Variants in OTOF observed in about 807,000 individuals in gnomAD.
OTOF encodes the protein fer-1-like family member 2.
OTOF carries 218 observed loss-of-function variants against 236.8 expected under a neutral mutation model. The observed-to-expected ratio is 0.92, with a 90% confidence interval of 0.82 to 1.03. The LOEUF (loss-of-function observed/expected upper bound fraction) is 1.03, where lower values mean the gene tolerates loss of function less well. Among genes scored for constraint, OTOF ranks in the 50% least tolerant of loss-of-function variants. OTOF has a pLI of 0.00. For synonymous variants in OTOF, 1,041 were observed against 1,072.5 expected, an observed-to-expected ratio of 0.97 and a Z score of 0.57; for missense variants, 2,590 against 2,694.4, an observed-to-expected ratio of 0.96 and a Z score of 0.86.
At position 26,482,397 on chromosome 2, in the gene OTOF, G is replaced by A. The variant is rs770761461; in HGVS notation, c.1579+9C>T. The A allele has an allele frequency of 1.3e-5, 21 of 1,612,660 alleles. No individual in the cohort carries two copies. Among genetic ancestry groups the A allele is most frequent in the Middle Eastern group, 1.7e-4 (1 of 5,926 alleles). On this transcript the variant is annotated intron_variant, in intron 14 of 46. Transcript: ENST00000272371. ...TGCCCCCCAGCACACCGGGTCTCCC[G>A]CTGCTGACCTTTGTCTCCGTCATTA...
chr2:26,519,235 G>A, intron 3 of OTOF, 126 bp from the exon 4 acceptor site: 1 of 701,386 alleles, frequency 1.4e-6, no homozygotes, highest in South Asian at 1.6e-5. Flanking sequence ...TCTGGGCTGG[G>A]CTGGAGAAGG....
At chr2:26,535,112 T>A (rs1412137274) in intron 2 of OTOF, among the ~76,000 whole-genome samples, 3 of 152,174 alleles carry the variant, frequency 2.0e-5, no homozygotes, top group Admixed American at 6.5e-5. Context: ...TGCTGACCAT[T>A]GGTGGCCAGG....
chr2:26,517,662 G>T (rs1666568323), intron 4 of OTOF, among the ~76,000 whole-genome samples: 2 of 152,138 alleles, frequency 1.3e-5, no homozygotes, highest in African/African-American at 4.8e-5. Context: ...GTGGTCTCTG[G>T]CATTGGAAGT....
intron 38 of OTOF, 68 bp from the exon 39 acceptor site, chr2:26,465,097 C>A (rs890124105): frequency 7.4e-7 from 1 of 1,356,382 alleles, no homozygotes; most frequent in South Asian, 1.8e-5. Context: ...GACAGCTGGT[C>A]GTGGCCAGTT....
At chr2:26,484,356 A>T in intron 12 of OTOF, 118 bp downstream of exon 12, 1 of 1,073,926 alleles carries the variant, frequency 9.3e-7, no homozygotes, top group Non-Finnish European at 1.4e-6. Context: ...TGGGAGAGTG[A>T]GCGAGAGCAG....
chr2:26,542,882 G>T (rs116619620), intron 1 of OTOF, among the ~76,000 whole-genome samples: 3,047 of 152,322 alleles, frequency 0.02, 93 homozygotes, highest in African/African-American at 0.07. Context: ...GATTTTGCCA[G>T]GGCCCAGCCC....
chr2:26,527,898 C>T lies in OTOF; in HGVS notation c.161G>A (p.Ser54Asn). The stretch of plus-strand genomic sequence containing the variant: ...CAGCATCTCATTTCTGTCGATGCTG[C>T]TGGCCACCGGCCACCGAAATGTCTG... ...FDETFRWPVA[S>N]SIDRNEMLEI... The change falls in exon 3 of 47, where the codon AGC (serine) becomes AAC (asparagine). Residue 54 changes from serine to asparagine, a missense_variant. By Grantham distance (46) the Ser-to-Asn change is conservative. Transcript: ENST00000272371. 1 of 1,614,018 alleles carries T rather than the reference C, an allele frequency of 6.2e-7. No individual in the cohort carries two copies. The highest frequency in any genetic ancestry group is 8.5e-7 in the Non-Finnish European group (1 of 1,179,876).
intron 2 of OTOF, among the ~76,000 whole-genome samples, chr2:26,536,505 A>G (rs553367831): frequency 2.0e-5 from 3 of 152,104 alleles, no homozygotes; most frequent in Non-Finnish European, 4.4e-5. Flanking sequence ...GGCTGTGCCT[A>G]AGCCTGAGTG....
intron 9 of OTOF, among the ~76,000 whole-genome samples, chr2:26,494,687 G>C (rs546941537): frequency 6.6e-6 from 1 of 152,000 alleles, no homozygotes; most frequent in Non-Finnish European, 1.5e-5. Context: ...GCACTGCTGG[G>C]GTCTGCCCAG....
At chr2:26,546,795 T>C (rs920230710) in intron 1 of OTOF, among the ~76,000 whole-genome samples, 9 of 152,114 alleles carry the variant, frequency 5.9e-5, no homozygotes, top group Admixed American at 2.6e-4. Context: ...TGTTTTGTTT[T>C]TAGGGTGGAA....
rs1665950549 is a variant in OTOF, at chr2:26,495,139, G to A, written c.766-66C>T. 1.3e-5 allele frequency: 20 copies of A among 1,590,948 alleles called. No homozygotes were observed. In the South Asian group the frequency reaches 1.3e-4, roughly 11 times the overall value. On this transcript the variant is annotated intron_variant, in intron 8 of 46. Coordinates refer to ENST00000272371, the MANE Select transcript of OTOF (RefSeq NM_194248.3). ...GAGCCTAGGAGCCTGGTCCCGCAGG[G>A]GTCCAGGGGCTGGGGCAGCAGGGTC...
chr2:26,533,430 G>GTC lies in OTOF; in HGVS notation c.138+4284_138+4285dup, dbSNP rs1190511498. ...ACAAAGGCTGGGTCTCTGTGTCTCT[G>GTC]TCTCTCTCTCTCTGTTTCTGTCTTT... On this transcript the variant is annotated intron_variant, in intron 2 of 46. Transcript: ENST00000272371. Among the ~76,000 whole-genome samples, 14 of 151,840 alleles carry GTC rather than the reference G, an allele frequency of 9.2e-5. No individual in the cohort carries two copies. In the East Asian group the frequency reaches 1.9e-3, roughly 21 times the overall value.
chr2:26,473,500 T>G lies in OTOF; in HGVS notation c.3476A>C (p.Asp1159Ala). 1 of 1,612,984 alleles carries G rather than the reference T, an allele frequency of 6.2e-7. No individual in the cohort carries two copies. Reference protein sequence around the residue: ...NLAQVDRPRVDIECAGKGVQS... With the variant: ...NLAQVDRPRVAIECAGKGVQS... ...CACCCCCTTCCCTGCACACTCGATG[T>G]CCACCCGTGGCCGGTCCACCTGGGC... Residue 1159 changes from aspartate to alanine, a missense_variant, in exon 28 of 47, where the codon GAC (aspartate) becomes GCC (alanine). By Grantham distance (126) the Asp-to-Ala change is moderately radical (BLOSUM62 -2). This residue lies in a region of OTOF where 1,211 missense variants were observed against 1,352.8 expected (regional missense o/e 0.90). Coordinates refer to ENST00000272371, the MANE Select transcript of OTOF (RefSeq NM_194248.3). This position sits in a 1 kb window ranked among gnomAD's most constrained non-coding sequence, Gnocchi z 7.2.
intron 9 of OTOF, among the ~76,000 whole-genome samples, chr2:26,494,735 G>A (rs550971417): frequency 1.3e-5 from 2 of 152,090 alleles, no homozygotes; most frequent in Admixed American, 6.5e-5. Flanking sequence ...GACCAGTGTC[G>A]GCCTGTGCTC....
chr2:26,480,692 G>T, intron 15 of OTOF, 94 bp downstream of exon 15: 1 of 1,028,724 alleles, frequency 9.7e-7, no homozygotes. Flanking sequence ...AGGTAGACAG[G>T]GCAGCAACAG....
chr2:26,474,591 T>C lies in OTOF; in HGVS notation c.3210A>G (p.Pro1070=). 6.2e-7 allele frequency: 1 copy of C among 1,613,242 alleles called. No individual in the cohort carries two copies. The highest frequency in any genetic ancestry group is 1.1e-5 in the South Asian group (1 of 91,082). The change falls in exon 26 of 47, where the codon CCA becomes CCG. Residue 1070 remains proline (P), a synonymous_variant. Coordinates refer to ENST00000272371, the MANE Select transcript of OTOF (RefSeq NM_194248.3). ...AGATCTGGTAGTACTCGAGCTGAGG[T>C]GGGAAGCGGGGTGGGCAGTACGCCT... The part of the protein sequence containing the change: ...ADEAYCPPRF[P]PQLEYYQIYR...
At chr2:26,499,503 T>C (rs1666067765) in intron 8 of OTOF, among the ~76,000 whole-genome samples, 1 of 152,050 alleles carries the variant, frequency 6.6e-6, no homozygotes, top group South Asian at 2.1e-4. Flanking sequence ...TATTATTTAT[T>C]TATTTATTTT....
At chr2:26,548,998 T>C (rs1159013397) in intron 1 of OTOF, among the ~76,000 whole-genome samples, 1 of 152,222 alleles carries the variant, frequency 6.6e-6, no homozygotes, top group African/African-American at 2.4e-5. Flanking sequence ...TTGGTATCTT[T>C]TTAAGGCAGA....
Position 26,470,524 on chromosome 2 carries a change from G to T in OTOF, c.4023+69C>A. On this transcript the variant is annotated intron_variant, in intron 32 of 46. Transcript: ENST00000272371. The surrounding 1 kb of genome is among the most constrained non-coding windows in gnomAD (Gnocchi z 4.3). ...GGGATCCAGCTCTTGGGGGCCGTGGGAAAGAAGCTGGACAGGAGGGTCTGA... is the reference window on the plus strand; with the variant it reads ...GGGATCCAGCTCTTGGGGGCCGTGGTAAAGAAGCTGGACAGGAGGGTCTGA... 6.6e-7 allele frequency: 1 copy of T among 1,512,934 alleles called. No homozygotes were observed. The highest frequency in any genetic ancestry group is 9.2e-7 in the Non-Finnish European group (1 of 1,088,628). The allele number at this position is 1,512,934 out of a possible 1,614,324, so 93.7% of individuals were successfully genotyped here. A position where few individuals can be genotyped will look rare whatever the true frequency, so the allele number is the denominator to read the frequency against.
Sources: gnomAD v4.1 joint callset for allele counts (sites outside exome capture counted in the v4.1 genomes callset) on GRCh38, gnomAD v4.1.1 for gene constraint, gnomAD v4.1.1 regional missense constraint, Gnocchi (gnomAD v3.1) non-coding constraint, MANE v1.5 for transcripts, NCBI Gene and HGNC (gene_info 2026-07-23, HGNC 2026-07-21) for gene names.